The following KIAA1755 variants were observed in gnomAD, a reference collection of about 807,000 sequenced individuals.
KIAA1755 encodes the protein KIAA1755, also known as uncharacterized protein KIAA1755.
In KIAA1755, 68 loss-of-function variants were observed where a neutral mutation model predicts 91.7. The observed-to-expected ratio is 0.74, with a 90% CI of 0.61 to 0.91. The LOEUF (loss-of-function observed/expected upper bound fraction) is 0.91. Among genes scored for constraint, KIAA1755 ranks in the 40% least tolerant of loss-of-function variants. The pLI, the probability that KIAA1755 is intolerant of heterozygous loss-of-function variation, is 0.00. For missense variants in KIAA1755, 1,535 were observed against 1,494.4 expected (o/e 1.03, Z -0.45); for synonymous variants, 610 against 604.6 (o/e 1.01, Z -0.13).
intron 5 of KIAA1755, among the ~76,000 whole-genome samples, chr20:38,230,232 T>TTCAC (rs772930596): frequency 6.6e-5 from 10 of 152,236 alleles, no homozygotes; most frequent in African/African-American, 1.9e-4. Context: ...TCATCATTCA[T>TTCAC]TCACTCACTC....
At position 38,245,947 on chromosome 20, in the gene KIAA1755, T is replaced by A; in HGVS notation, c.183A>T (p.Gln61His). The change falls in exon 2 of 14, where the codon CAA becomes CAT. Residue 61 changes from glutamine (Q) to histidine (H), a missense_variant. Physicochemically the swap from Gln to His is conservative, Grantham distance 24. Coordinates refer to ENST00000279024, the MANE Select transcript of KIAA1755 (RefSeq NM_001029864.2). Reference sequence around the variant, plus strand: ...GACTTACACAGGCTGCTTCTCGCACTTGCTCACACAGGCGCTTGGCAGGGA... The same window carrying A: ...GACTTACACAGGCTGCTTCTCGCACATGCTCACACAGGCGCTTGGCAGGGA... ...FLIPAKRLCE[Q>H]VREAACAPYS... 1 of 1,614,144 alleles carries A rather than the reference T, an allele frequency of 6.2e-7. No homozygotes were observed. The highest frequency in any genetic ancestry group is 1.1e-5 in the South Asian group (1 of 91,078).
At chr20:38,214,880 G>A (rs1327723228) in intron 13 of KIAA1755, among the ~76,000 whole-genome samples, 1 of 152,254 alleles carries the variant, frequency 6.6e-6, no homozygotes, top group Non-Finnish European at 1.5e-5. Context: ...TGTAGGGATT[G>A]GAGAACCATT....
chr20:38,250,706 T>C (rs984526103), intron 1 of KIAA1755, among the ~76,000 whole-genome samples: 5 of 152,030 alleles, frequency 3.3e-5, no homozygotes, highest in African/African-American at 7.3e-5. Flanking sequence ...CTGATTTGCA[T>C]AGGGCTCAAG....
At chr20:38,242,058 G>A (rs575085379) in intron 2 of KIAA1755, 129 bp from the exon 3 acceptor site, 3 of 894,836 alleles carry the variant, frequency 3.4e-6, no homozygotes, top group Non-Finnish European at 5.1e-6. Context: ...CATTTAGGAG[G>A]CACTCACTGT....
chr20:38,253,089 C>T (rs567818376), intron 1 of KIAA1755, among the ~76,000 whole-genome samples: 1 of 152,326 alleles, frequency 6.6e-6, no homozygotes, highest in African/African-American at 2.4e-5. Flanking sequence ...CCAGGCTGTT[C>T]CCAGGCAGGA....
rs1458165860 is a variant in KIAA1755, at chr20:38,219,756, A to C, written c.2430T>G (p.Ala810=). The C allele has an allele frequency of 6.2e-7, 1 of 1,614,182 alleles. No individual in the cohort carries two copies. The highest frequency in any genetic ancestry group is 8.5e-7 in the Non-Finnish European group (1 of 1,180,024). ...CAAGGCTGTACAAGGCAGTGGCTGC[A>C]GCCAGATGGCTCCTGGGAGGTGGGC... ...DFSPDVRSHL[A]AATALYSLVD... Residue 810 remains alanine, a synonymous_variant, in exon 11 of 14, where the codon GCT becomes GCG. Transcript: ENST00000279024.
intron 1 of KIAA1755, 121 bp from the exon 2 acceptor site, chr20:38,246,247 AC>A: frequency 1.3e-6 from 1 of 764,906 alleles, no homozygotes; most frequent in Non-Finnish European, 2.1e-6. Context: ...CTCCTCTCCT[AC>A]CCCACCCCCC....
intron 13 of KIAA1755, among the ~76,000 whole-genome samples, chr20:38,215,814 CTCT>C (rs755034674): frequency 1.3e-5 from 2 of 152,186 alleles, no homozygotes; most frequent in Non-Finnish European, 2.9e-5. Context: ...CTTCTTCCTC[CTCT>C]TAATGATAAT....
chr20:38,219,467 G>C (rs1315375962), intron 11 of KIAA1755, among the ~76,000 whole-genome samples, 163 bp downstream of exon 11: 1 of 152,236 alleles, frequency 6.6e-6, no homozygotes, highest in Non-Finnish European at 1.5e-5. Flanking sequence ...ACCAGGTCAT[G>C]TGCTACGCCC....
chr20:38,236,337 T>C (rs1321750742), intron 4 of KIAA1755, among the ~76,000 whole-genome samples: 2 of 152,214 alleles, frequency 1.3e-5, no homozygotes, highest in African/African-American at 2.4e-5. Context: ...CTGGAGTTCA[T>C]GGCCAGGGCC....
Position 38,213,601 on chromosome 20 carries a change from G to A in KIAA1755, c.3044C>T (p.Ala1015Val), listed in dbSNP as rs1302312329. ...LASEFPAEKL[A>V]AVGLQVASLS... The stretch of plus-strand genomic sequence containing the variant: ...GGAGGCCACCTGCAGCCCCACGGCT[G>A]CGAGCTTCTCAGCAGGGAACTCAGA... Residue 1015 changes from alanine to valine, a missense_variant, in exon 14 of 14, where the codon GCA (alanine) becomes GTA (valine). Physicochemically the swap from Ala to Val is moderately conservative, Grantham distance 64. Coordinates refer to ENST00000279024, the MANE Select transcript of KIAA1755 (RefSeq NM_001029864.2). The A allele has an allele frequency of 6.2e-7, 1 of 1,609,942 alleles. No homozygotes were observed. Among genetic ancestry groups the A allele is most frequent in the Admixed American group, 1.7e-5 (1 of 59,832 alleles).
intron 8 of KIAA1755, among the ~76,000 whole-genome samples, chr20:38,224,306 A>C (rs1211193330): frequency 6.6e-6 from 1 of 152,220 alleles, no homozygotes; most frequent in Non-Finnish European, 1.5e-5. Context: ...GCTAAAATAC[A>C]GTTCAAAAAC....
chr20:38,218,879 G>A lies in KIAA1755; in HGVS notation c.2557-513C>T, dbSNP rs575915660. Among the ~76,000 whole-genome samples, 24 of 152,288 alleles carry A rather than the reference G, an allele frequency of 1.6e-4. No individual in the cohort carries two copies. In the South Asian group the frequency reaches 4.1e-3, roughly 26 times the overall value. On this transcript the variant is annotated intron_variant, in intron 11 of 13. Transcript: ENST00000279024. ...TTTCTGGGCCTCAGTTTACTCAGTG[G>A]TAAAATGGGGTAGACATGAAGATTC...
At chr20:38,220,335 T>A (rs562419119) in intron 10 of KIAA1755, among the ~76,000 whole-genome samples, 4 of 136,260 alleles carry the variant, frequency 2.9e-5, no homozygotes, top group Non-Finnish European at 6.2e-5. Flanking sequence ...GGAGTCTCAC[T>A]CTGTCACCCA....
intron 1 of KIAA1755, among the ~76,000 whole-genome samples, chr20:38,259,447 G>C (rs1391051388): frequency 6.7e-6 from 1 of 149,036 alleles, no homozygotes; most frequent in Non-Finnish European, 1.5e-5. Context: ...CTCTGTGCGT[G>C]CATGTGTATG....
At chr20:38,231,126 T>C in intron 5 of KIAA1755, 76 bp downstream of exon 5, 1 of 1,448,936 alleles carries the variant, frequency 6.9e-7, no homozygotes. Context: ...GCCTCTCCAC[T>C]CAGTGTCTGG....
intron 1 of KIAA1755, chr20:38,260,090 C>A: frequency 1.2e-6 from 1 of 837,100 alleles, no homozygotes. Flanking sequence ...TGGGAGGGGA[C>A]TTTAACCCCC....
chr20:38,227,257 C>T lies in KIAA1755; in HGVS notation c.1966-17G>A. 1.2e-6 allele frequency: 2 copies of T among 1,603,352 alleles called. No homozygotes were observed. Among genetic ancestry groups the T allele is most frequent in the East Asian group, 2.2e-5 (1 of 44,774 alleles). ...GACCTGAGCCTGTCAAAGACAACCA[C>T]TGCAGAGTTGCTCTGCCCAAGGCTT... On this transcript the variant is annotated splice_polypyrimidine_tract_variant and intron_variant, in intron 6 of 13. Transcript: ENST00000279024.
chr20:38,225,760 TC>T lies in KIAA1755; in HGVS notation c.2073del (p.Lys692ArgfsTer71). On this transcript the variant is annotated frameshift_variant, in exon 8 of 14. Coordinates refer to ENST00000279024, the MANE Select transcript of KIAA1755 (RefSeq NM_001029864.2). LOFTEE classifies it high-confidence loss of function. ...GGGTCCACATGGTGGCTGAGGGCCT[TC>T]AATGAGGTCAGCACCTCCACCTGCA... ...PDVQVEVLTS[L>X]KALSHHVDPS... is the part of the protein sequence containing the mutation. The T allele has an allele frequency of 6.3e-7, 1 of 1,587,064 alleles. No homozygotes were observed. Among genetic ancestry groups the T allele is most frequent in the Non-Finnish European group, 8.6e-7 (1 of 1,168,416 alleles).
Sources: gnomAD v4.1 joint callset for allele counts (sites outside exome capture counted in the v4.1 genomes callset) on GRCh38, gnomAD v4.1.1 for gene constraint, MANE v1.5 for transcripts, NCBI Gene and HGNC (gene_info 2026-07-23, HGNC 2026-07-21) for gene names.